Variants in PRKG1 observed in about 807,000 individuals in gnomAD.
PRKG1 encodes the protein protein kinase cGMP-dependent 1.
PRKG1 carries 35 observed loss-of-function variants against 88.1 expected under a neutral mutation model. That is an observed-to-expected ratio of 0.40 (90% confidence interval 0.30 to 0.53). The LOEUF is 0.53. Among genes scored for constraint, PRKG1 ranks in the 20% least tolerant of loss-of-function variants. The pLI is 0.59. For synonymous variants in PRKG1, 303 were observed against 292.5 expected, an observed-to-expected ratio of 1.04 and a Z score of -0.37; for missense variants, 540 against 839.8, an observed-to-expected ratio of 0.64 and a Z score of 4.41.
intron 2 of PRKG1, among the ~76,000 whole-genome samples, chr10:51,179,613 T>C (rs1309718091): frequency 6.6e-6 from 1 of 152,214 alleles, no homozygotes; most frequent in Non-Finnish European, 1.5e-5. Context: ...GATAATAGAT[T>C]GGTCATTCTT....
At chr10:51,486,475 T>G (rs1363682194) in intron 3 of PRKG1, among the ~76,000 whole-genome samples, 2 of 152,176 alleles carry the variant, frequency 1.3e-5, no homozygotes, top group East Asian at 3.8e-4. Flanking sequence ...TATGTCAGTC[T>G]TACCTTAATA....
At chr10:51,177,936 A>G (rs1428931547) in intron 2 of PRKG1, among the ~76,000 whole-genome samples, 1 of 152,104 alleles carries the variant, frequency 6.6e-6, no homozygotes, top group Non-Finnish European at 1.5e-5. Context: ...TCAAAAATTT[A>G]CTGTGTAAGA....
chr10:51,521,188 C>T (rs185781726), intron 3 of PRKG1, among the ~76,000 whole-genome samples: 5 of 151,946 alleles, frequency 3.3e-5, no homozygotes, highest in East Asian at 1.9e-4. Flanking sequence ...TCAAGGAGGC[C>T]GAGGCAGGAG....
intron 3 of PRKG1, among the ~76,000 whole-genome samples, chr10:51,771,471 T>G (rs954977358): frequency 6.6e-6 from 1 of 152,212 alleles, no homozygotes; most frequent in Non-Finnish European, 1.5e-5. Context: ...CATGTTTTAC[T>G]GACTGATTTA....
chr10:51,176,398 A>G (rs1334093141), intron 2 of PRKG1, among the ~76,000 whole-genome samples: 2 of 152,064 alleles, frequency 1.3e-5, no homozygotes, highest in African/African-American at 2.4e-5. Flanking sequence ...TATTCAACAG[A>G]CATTTAGCAT....
intron 2 of PRKG1, among the ~76,000 whole-genome samples, chr10:51,228,269 CTT>C (rs1838745649): frequency 6.6e-6 from 1 of 152,134 alleles, no homozygotes; most frequent in Non-Finnish European, 1.5e-5. Flanking sequence ...GTAGGAAAGC[CTT>C]ACTGCTTAGA....
intron 12 of PRKG1, among the ~76,000 whole-genome samples, chr10:52,277,524 C>T (rs1348619016): frequency 6.6e-6 from 1 of 152,108 alleles, no homozygotes; most frequent in Non-Finnish European, 1.5e-5. Flanking sequence ...ATTATTAATT[C>T]TTTGGATCTT....
At chr10:52,013,059 A>T (rs1268936671) in intron 5 of PRKG1, among the ~76,000 whole-genome samples, 1 of 152,184 alleles carries the variant, frequency 6.6e-6, no homozygotes, top group Non-Finnish European at 1.5e-5. Flanking sequence ...TAGTAAACTC[A>T]GGCTGCATAC....
At chr10:51,616,444 C>A (rs1207813922) in intron 3 of PRKG1, among the ~76,000 whole-genome samples, 2 of 152,144 alleles carry the variant, frequency 1.3e-5, no homozygotes, top group African/African-American at 4.8e-5. Context: ...CTTGTGTTGA[C>A]AGTGGCTGTG....
chr10:51,171,029 A>G (rs1250322921), intron 2 of PRKG1, among the ~76,000 whole-genome samples: 1 of 152,124 alleles, frequency 6.6e-6, no homozygotes, highest in Non-Finnish European at 1.5e-5. Context: ...GATGACTCGG[A>G]CTAAGGTCAT....
At chr10:51,073,373 G>A (rs1340037217), upstream of PRKG1, among the ~76,000 whole-genome samples, 1 of 152,162 alleles carries the variant, frequency 6.6e-6, no homozygotes, top group Admixed American at 6.5e-5. Flanking sequence ...GGCCATTCAA[G>A]TGGAAAGATA....
chr10:51,989,305 G>C (rs1192012355), intron 5 of PRKG1, among the ~76,000 whole-genome samples: 1 of 152,106 alleles, frequency 6.6e-6, no homozygotes, highest in Non-Finnish European at 1.5e-5. Flanking sequence ...ATTGAGATTA[G>C]TAGGGAACAG....
chr10:50,999,952 G>T (rs570261786), intron 1 of PRKG1, among the ~76,000 whole-genome samples: 20 of 152,294 alleles, frequency 1.3e-4, no homozygotes, highest in African/African-American at 4.8e-4. Flanking sequence ...CTACTTTTCA[G>T]AGAAGAGGTA....
In PRKG1 at chr10:51,533,447, A is replaced by G. The variant is rs150880573; in HGVS notation, c.592+65611A>G. On this transcript the variant is annotated intron_variant, in intron 3 of 17. Coordinates refer to ENST00000373980, the MANE Select transcript of PRKG1 (RefSeq NM_006258.4). ...CTAAGTCCCTGACCCTCAAGCATTG[A>G]TTGTCTTCAGTGATGGCCTGAACTT... Among the ~76,000 whole-genome samples the G allele has an allele frequency of 2.6e-5, 4 of 152,264 alleles. No homozygotes were observed. In the East Asian group the frequency reaches 7.8e-4, roughly 30 times the overall value.
At chr10:52,133,991 C>T in intron 8 of PRKG1, 86 bp downstream of exon 8, 6 of 963,386 alleles carry the variant, frequency 6.2e-6, no homozygotes, top group Non-Finnish European at 9.6e-6. Flanking sequence ...TTTTATGGAG[C>T]TATTAATACT....
chr10:52,199,222 C>T (rs113313238), intron 9 of PRKG1, among the ~76,000 whole-genome samples: 14 of 152,222 alleles, frequency 9.2e-5, no homozygotes, highest in African/African-American at 3.1e-4. Context: ...CTAGGCATTT[C>T]TTTTAAAGAC....
chr10:51,394,625 T>C (rs948072073), intron 2 of PRKG1, among the ~76,000 whole-genome samples: 4 of 152,222 alleles, frequency 2.6e-5, no homozygotes, highest in African/African-American at 9.6e-5. Context: ...TGAATCTCAC[T>C]CCACCTTAGA....
chr10:51,402,285 G>C (rs1837762514), intron 2 of PRKG1, among the ~76,000 whole-genome samples: 1 of 152,160 alleles, frequency 6.6e-6, no homozygotes, highest in African/African-American at 2.4e-5. Context: ...CTTGATATTG[G>C]AAGGGAGGCA....
In PRKG1 at chr10:51,852,935, G is replaced by A. The variant is rs182344664; in HGVS notation, c.698+48245G>A. On this transcript the variant is annotated intron_variant, in intron 4 of 17. Coordinates refer to ENST00000373980, the MANE Select transcript of PRKG1 (RefSeq NM_006258.4). Reference sequence around the variant, plus strand: ...CGATTTTATCAGTTCCTTCAAGACTGGCATATTATTTTTAAACTGTTAAGT... The same window carrying A: ...CGATTTTATCAGTTCCTTCAAGACTAGCATATTATTTTTAAACTGTTAAGT... 3.7e-4 allele frequency among the ~76,000 whole-genome samples: 56 copies of A among 152,164 alleles called. 1 individual carries two copies. The highest frequency in any genetic ancestry group is 3.2e-3 in the Admixed American group (49 of 15,270).
Sources: gnomAD v4.1 joint callset for allele counts (sites outside exome capture counted in the v4.1 genomes callset) on GRCh38, gnomAD v4.1.1 for gene constraint, MANE v1.5 for transcripts, NCBI Gene and HGNC (gene_info 2026-07-23, HGNC 2026-07-21) for gene names.